The following PHACTR1 variants were observed in gnomAD, a reference collection of about 807,000 sequenced individuals.
PHACTR1 encodes the protein RPEL repeat containing 1.
In PHACTR1, 16 loss-of-function variants were observed where a neutral mutation model predicts 69.2. The ratio of observed to expected loss-of-function variants is 0.23; its 90% CI spans 0.16 to 0.35. The LOEUF is 0.35. PHACTR1 is among the 10% of genes least tolerant of loss of function. PHACTR1 has a pLI of 1.00. For synonymous variants in PHACTR1, 312 were observed against 284.5 expected, an observed-to-expected ratio of 1.10 and a Z score of -0.97; for missense variants, 510 against 734.7, an observed-to-expected ratio of 0.69 and a Z score of 3.54.
At chr6:13,233,226 CAA>C (rs1771502548) in intron 10 of PHACTR1, among the ~76,000 whole-genome samples, 1 of 152,156 alleles carries the variant, frequency 6.6e-6, no homozygotes, top group African/African-American at 2.4e-5. Context: ...AAGGCAGTCA[CAA>C]AACCCAGAGG....
intron 4 of PHACTR1, among the ~76,000 whole-genome samples, chr6:12,920,261 G>C (rs760687684): frequency 2.0e-5 from 3 of 152,156 alleles, no homozygotes; most frequent in Non-Finnish European, 4.4e-5. Flanking sequence ...CTGACAATGA[G>C]TACAGTGAAG....
At chr6:12,874,077 G>A (rs1571997) in intron 4 of PHACTR1, among the ~76,000 whole-genome samples, 71,507 of 152,174 alleles carry the variant, frequency 0.47, 18,338 homozygotes, top group East Asian at 0.85. Flanking sequence ...ACTTTAATGT[G>A]CATACAAATC....
chr6:13,048,927 G>A (rs1805513831), intron 4 of PHACTR1, among the ~76,000 whole-genome samples: 1 of 152,158 alleles, frequency 6.6e-6, no homozygotes, highest in South Asian at 2.1e-4. Flanking sequence ...GGCAAAGCTA[G>A]CCCCATCATC....
At chr6:13,269,479 A>G (rs1023593330) in intron 10 of PHACTR1, among the ~76,000 whole-genome samples, 1 of 152,256 alleles carries the variant, frequency 6.6e-6, no homozygotes, top group Non-Finnish European at 1.5e-5. Context: ...ATTTCCAAAT[A>G]CACAGCTGGC....
chr6:12,948,391 G>A (rs1467056095), intron 4 of PHACTR1, among the ~76,000 whole-genome samples: 3 of 152,174 alleles, frequency 2.0e-5, no homozygotes, highest in Non-Finnish European at 2.9e-5. Flanking sequence ...CAGCTCTAAG[G>A]CCTTAAGAGC....
chr6:12,787,755 G>T (rs747647154), intron 4 of PHACTR1, among the ~76,000 whole-genome samples: 7 of 152,272 alleles, frequency 4.6e-5, no homozygotes, highest in East Asian at 1.9e-4. Context: ...AGCCTCTCAG[G>T]ATGAGTACGG....
intron 3 of PHACTR1, among the ~76,000 whole-genome samples, chr6:12,748,011 G>C (rs183240477): frequency 6.6e-6 from 1 of 152,290 alleles, no homozygotes; most frequent in East Asian, 1.9e-4. Flanking sequence ...AAGTATTTCA[G>C]AGAAGCTAAG....
intron 4 of PHACTR1, among the ~76,000 whole-genome samples, chr6:12,890,040 TG>T (rs1223979136): frequency 2.0e-5 from 3 of 151,980 alleles, no homozygotes; most frequent in Non-Finnish European, 4.4e-5. Context: ...AGGAAGTGGG[TG>T]GGGCAGCAGG....
intron 3 of PHACTR1, 158 bp from the exon 4 acceptor site, chr6:12,749,483 CTTT>C (rs577940408): frequency 0.013 from 8,950 of 664,616 alleles, 132 homozygotes; most frequent in Non-Finnish European, 0.017. Flanking sequence ...TTCTCTCTCC[CTTT>C]TTTTTCCTTT....
intron 10 of PHACTR1, among the ~76,000 whole-genome samples, chr6:13,249,241 G>GT (rs1269280198): frequency 6.6e-6 from 1 of 152,110 alleles, no homozygotes; most frequent in Non-Finnish European, 1.5e-5. Flanking sequence ...TGCCAGATCA[G>GT]TGGCGGCATT....
chr6:12,754,755 T>C (rs9357486), intron 4 of PHACTR1, among the ~76,000 whole-genome samples: 14,943 of 152,294 alleles, frequency 0.098, 873 homozygotes, highest in African/African-American at 0.15. Context: ...AAAAAATGAA[T>C]GGCTGCGTCT....
intron 4 of PHACTR1, among the ~76,000 whole-genome samples, chr6:12,845,429 A>G (rs56387793): frequency 0.04 from 719 of 17,978 alleles, 63 homozygotes; most frequent in East Asian, 0.11. Flanking sequence ...AACACCACCC[A>G]CCCCCCCCCC....
At chr6:12,821,437 T>C (rs1581915140) in intron 4 of PHACTR1, among the ~76,000 whole-genome samples, 1 of 130,374 alleles carries the variant, frequency 7.7e-6, no homozygotes, top group African/African-American at 2.9e-5. Flanking sequence ...CACTCCAGCC[T>C]GGGTGACAGA....
rs557121334 is a variant in PHACTR1 at position 12,863,031 on chromosome 6, G to A, written c.250+113241G>A. ...CCATAGCTTTTCACCTTTAGATGGG[G>A]ACTCTGATAAATACATCACAATAAT... On this transcript the variant is annotated intron_variant, in intron 4 of 14. Coordinates refer to ENST00000332995, the MANE Select transcript of PHACTR1 (RefSeq NM_030948.6). Among the ~76,000 whole-genome samples, 4 of 152,324 alleles carry A rather than the reference G, an allele frequency of 2.6e-5. No individual in the cohort carries two copies. In the South Asian group the frequency reaches 6.2e-4, roughly 24 times the overall value.
intron 4 of PHACTR1, among the ~76,000 whole-genome samples, chr6:12,974,785 G>C (rs1015792817): frequency 6.6e-6 from 1 of 152,146 alleles, no homozygotes; most frequent in African/African-American, 2.4e-5. Flanking sequence ...TTTGAGAGGT[G>C]CACACAGAAA....
Position 13,283,688 on chromosome 6 carries a change from G to T in PHACTR1, c.1650+126G>T. 7.1e-7 allele frequency: 1 copy of T among 1,414,902 alleles called. No individual in the cohort carries two copies. The highest frequency in any genetic ancestry group is 9.8e-7 in the Non-Finnish European group (1 of 1,016,640). The allele number at this position is 1,414,902 out of a possible 1,614,324, so 87.6% of individuals were successfully genotyped here. The stretch of plus-strand genomic sequence containing the variant: ...TCAGCCGCAGTCCCCATAATGGAGT[G>T]TTGAGACCCCAACACCTTTCCCCAG... On this transcript the variant is annotated intron_variant, in intron 13 of 14. Transcript: ENST00000332995. This position sits in a 1 kb window ranked among gnomAD's most constrained non-coding sequence, Gnocchi z 4.7.
At chr6:12,894,040 A>G (rs1784407857) in intron 4 of PHACTR1, among the ~76,000 whole-genome samples, 1 of 152,130 alleles carries the variant, frequency 6.6e-6, no homozygotes, top group Non-Finnish European at 1.5e-5. Context: ...TGGGATTTTT[A>G]TTGGTCTCTT....
At chr6:12,799,599 C>T (rs1773468015) in intron 4 of PHACTR1, among the ~76,000 whole-genome samples, 1 of 152,120 alleles carries the variant, frequency 6.6e-6, no homozygotes, top group African/African-American at 2.4e-5. Context: ...GTGAGAAGGG[C>T]ACCTGCCTCA....
chr6:12,848,288 T>C (rs1779488855), intron 4 of PHACTR1, among the ~76,000 whole-genome samples: 1 of 152,242 alleles, frequency 6.6e-6, no homozygotes, highest in Non-Finnish European at 1.5e-5. Context: ...TTTGTCCATT[T>C]TCTCTGACAT....
Sources: gnomAD v4.1 joint callset for allele counts (sites outside exome capture counted in the v4.1 genomes callset) on GRCh38, gnomAD v4.1.1 for gene constraint, Gnocchi (gnomAD v3.1) non-coding constraint, MANE v1.5 for transcripts, NCBI Gene and HGNC (gene_info 2026-07-23, HGNC 2026-07-21) for gene names.